Variants in ELF5 observed in about 807,000 individuals in gnomAD.
ELF5 encodes the protein E74 like ETS transcription factor 5.
A neutral mutation model predicts 38.2 loss-of-function variants in ELF5; 31 were observed. That is an observed-to-expected ratio of 0.81 (90% CI 0.61 to 1.10). The LOEUF (loss-of-function observed/expected upper bound fraction) is 1.10, where lower values mean the gene tolerates loss of function less well. ELF5 is among the 50% of genes least tolerant of loss of function. The probability of loss-of-function intolerance (pLI) is 0.00; values close to 1 mark genes in which losing one functional copy is unlikely to be tolerated. For missense variants in ELF5, 300 were observed against 306.6 expected (o/e 0.98, Z 0.16); for synonymous variants, 121 against 112.5 (o/e 1.08, Z -0.48).
chr11:34,485,882 G>A (rs942288037), intron 4 of ELF5, among the ~76,000 whole-genome samples: 14 of 152,064 alleles, frequency 9.2e-5, no homozygotes, highest in African/African-American at 3.4e-4. Context: ...ATATTTCTCT[G>A]TAAATGCCAG....
chr11:34,513,587 G>A (rs910360796), intron 1 of ELF5, 90 bp downstream of exon 1: 2 of 152,454 alleles, frequency 1.3e-5, no homozygotes, highest in African/African-American at 2.4e-5. Flanking sequence ...TGGAGCTGGA[G>A]ATGGACGAGC....
At chr11:34,501,418 G>A (rs1021415598) in intron 2 of ELF5, among the ~76,000 whole-genome samples, 2 of 152,202 alleles carry the variant, frequency 1.3e-5, no homozygotes, top group East Asian at 1.9e-4. Flanking sequence ...GCTGTCAGGG[G>A]AGGGGTGTTG....
At chr11:34,511,521 A>G (rs1442586646) in intron 1 of ELF5, 10 of 1,614,170 alleles carry the variant, frequency 6.2e-6, no homozygotes, top group South Asian at 2.2e-5. Flanking sequence ...CACTTCACAC[A>G]TGAGAAAGTT....
At chr11:34,488,586 A>G (rs944232783) in intron 4 of ELF5, among the ~76,000 whole-genome samples, 1 of 152,228 alleles carries the variant, frequency 6.6e-6, no homozygotes, top group Admixed American at 6.5e-5. Context: ...CCTCATCATC[A>G]TAATCATCAG....
At chr11:34,502,722 G>A (rs1045184461) in intron 2 of ELF5, among the ~76,000 whole-genome samples, 6 of 152,188 alleles carry the variant, frequency 3.9e-5, no homozygotes, top group African/African-American at 1.4e-4. Flanking sequence ...TTAGGAACCT[G>A]GGCCAGTCTC....
intron 2 of ELF5, among the ~76,000 whole-genome samples, chr11:34,502,569 A>G (rs1850499297): frequency 6.6e-6 from 1 of 152,258 alleles, no homozygotes; most frequent in Non-Finnish European, 1.5e-5. Context: ...CCCGGTGCCC[A>G]GGCAGCTCCA....
chr11:34,504,831 C>T (rs1207504601), intron 2 of ELF5, among the ~76,000 whole-genome samples: 1 of 152,106 alleles, frequency 6.6e-6, no homozygotes, highest in East Asian at 1.9e-4. Context: ...ATGCTGCCTT[C>T]TCAGGTGGAG....
At chr11:34,493,045 A>G (rs1180984106) in intron 3 of ELF5, 1 of 239,220 alleles carries the variant, frequency 4.2e-6, no homozygotes, top group Non-Finnish European at 8.3e-6. Flanking sequence ...ATCCTTGACC[A>G]TTAGGAATGT....
chr11:34,511,450 T>C (rs975350292), intron 1 of ELF5: 1 of 1,540,112 alleles, frequency 6.5e-7, no homozygotes, highest in Non-Finnish European at 9.0e-7. Flanking sequence ...TCATTCTAGC[T>C]GCCTAGTAAG....
intron 4 of ELF5, among the ~76,000 whole-genome samples, chr11:34,486,506 T>A (rs963380681): frequency 6.6e-6 from 1 of 152,156 alleles, no homozygotes; most frequent in African/African-American, 2.4e-5. Flanking sequence ...AGGCCTTGGA[T>A]CTCAACTTAG....
chr11:34,512,662 G>C (rs1850791819), intron 1 of ELF5, among the ~76,000 whole-genome samples: 1 of 151,622 alleles, frequency 6.6e-6, no homozygotes, highest in East Asian at 1.9e-4. Flanking sequence ...TGTTTTAGAG[G>C]GAAAAATCAG....
At chr11:34,489,824 C>T (rs1850114585) in intron 4 of ELF5, among the ~76,000 whole-genome samples, 185 bp downstream of exon 4, 1 of 152,146 alleles carries the variant, frequency 6.6e-6, no homozygotes. Flanking sequence ...AGCTATGGTC[C>T]TACAGACCCA....
chr11:34,495,883 G>T, intron 2 of ELF5, among the ~76,000 whole-genome samples: 1 of 152,238 alleles, frequency 6.6e-6, no homozygotes, highest in East Asian at 1.9e-4. Context: ...CTGATTTCTG[G>T]CTTTAGTAAA....
At chr11:34,506,658 T>A (rs1185932859) in intron 1 of ELF5, among the ~76,000 whole-genome samples, 2 of 152,018 alleles carry the variant, frequency 1.3e-5, no homozygotes, top group Non-Finnish European at 2.9e-5. Flanking sequence ...GGTCTACAAG[T>A]GTGTACCATC....
chr11:34,493,605 T>C lies in ELF5; in HGVS notation c.229A>G (p.Ile77Val), dbSNP rs779914056. ...CTGATGTTGAAGTTGCAGAAGGAGATGCAATTGGTGTCCAACTTGTACTGG... is the reference window on the plus strand; with the variant it reads ...CTGATGTTGAAGTTGCAGAAGGAGACGCAATTGGTGTCCAACTTGTACTGG... ...CDQYKLDTNC[I>V]SFCNFNISGL... Residue 77 changes from isoleucine to valine, a missense_variant, in exon 3 of 7, where the codon ATC (isoleucine) becomes GTC (valine). Coordinates refer to ENST00000257832, the MANE Select transcript of ELF5 (RefSeq NM_001422.4). The C allele has an allele frequency of 6.2e-7, 1 of 1,614,190 alleles. No individual in the cohort carries two copies. The highest frequency in any genetic ancestry group is 1.1e-5 in the South Asian group (1 of 91,086).
chr11:34,498,150 G>A (rs987482447), intron 2 of ELF5, among the ~76,000 whole-genome samples: 4 of 152,006 alleles, frequency 2.6e-5, no homozygotes, highest in East Asian at 1.9e-4. Context: ...CCTTGGACTC[G>A]TCTGCAAAAT....
chr11:34,505,672 C>G lies in ELF5; in HGVS notation c.78G>C (p.Leu26=). Residue 26 remains leucine, a synonymous_variant, in exon 2 of 7, where the codon CTG becomes CTC. Transcript: ENST00000257832. ...FCDPLMSWTD[L]FSNEEYYPAF... ...CAGGGTAGTACTCTTCATTGCTGAA[C>G]AGATCAGTCCACGACATCAGGGGAT... The G allele has an allele frequency of 6.2e-7, 1 of 1,614,074 alleles. No homozygotes were observed. The highest frequency in any genetic ancestry group is 8.5e-7 in the Non-Finnish European group (1 of 1,179,972).
Position 34,509,439 on chromosome 11 carries a change from A to G in ELF5, c.-4-3686T>C, listed in dbSNP as rs568387606. Among the ~76,000 whole-genome samples the G allele has an allele frequency of 2.9e-4, 44 of 152,352 alleles. 1 individual carries two copies. The highest frequency in any genetic ancestry group is 1.1e-3 in the African/African-American group (44 of 41,580). On this transcript the variant is annotated intron_variant, in intron 1 of 6. Transcript: ENST00000257832. ...GGCACCTTTTCTGGGCCATCACCCA[A>G]GAGTTTCCAGACTCTGCTGGGAAGT...
At chr11:34,484,940 G>T (rs1299933771) in intron 4 of ELF5, among the ~76,000 whole-genome samples, 1 of 152,106 alleles carries the variant, frequency 6.6e-6, no homozygotes, top group East Asian at 1.9e-4. Flanking sequence ...GACCCTCTGG[G>T]TTAGACCCCT....
Sources: gnomAD v4.1 joint callset for allele counts (sites outside exome capture counted in the v4.1 genomes callset) on GRCh38, gnomAD v4.1.1 for gene constraint, MANE v1.5 for transcripts, NCBI Gene and HGNC (gene_info 2026-07-23, HGNC 2026-07-21) for gene names.